PRKDC: variants seen among roughly 807,000 people sequenced by gnomAD.
The protein encoded by PRKDC is DNA-dependent protein kinase catalytic subunit.
A neutral mutation model predicts 486.9 loss-of-function variants in PRKDC; 82 were observed. The observed-to-expected ratio is 0.17, with a 90% CI of 0.14 to 0.20. The LOEUF is 0.20. Ranked by LOEUF, PRKDC falls within the 10% of genes least tolerant of loss-of-function variation. The pLI, the probability that PRKDC is intolerant of heterozygous loss-of-function variation, is 1.00. For synonymous variants in PRKDC, 1,895 were observed against 1,837.0 expected (o/e 1.03, Z -0.81); for missense variants, 4,504 against 5,038.2 (o/e 0.89, Z 3.21).
At chr8:47,863,780 C>G (rs2088734636) in intron 41 of PRKDC, among the ~76,000 whole-genome samples, 1 of 152,264 alleles carries the variant, frequency 6.6e-6, no homozygotes, top group South Asian at 2.1e-4. Flanking sequence ...ACTGGTGAAG[C>G]AGGAAATAAT....
At chr8:47,819,194 A>C (rs1314935096) in intron 67 of PRKDC, among the ~76,000 whole-genome samples, 1 of 152,150 alleles carries the variant, frequency 6.6e-6, no homozygotes, top group African/African-American at 2.4e-5. Flanking sequence ...GTTTTCTTTC[A>C]CTTTGCAGCC....
intron 68 of PRKDC, 73 bp from the exon 69 acceptor site, chr8:47,807,399 A>T: frequency 7.9e-7 from 1 of 1,272,232 alleles, no homozygotes; most frequent in Non-Finnish European, 1.1e-6. Flanking sequence ...TACAGGCAGA[A>T]ATTCTAAACC....
chr8:47,858,880 T>G lies in PRKDC; in HGVS notation c.6314A>C (p.His2105Pro), dbSNP rs1159943440. The G allele has an allele frequency of 6.2e-7, 1 of 1,613,914 alleles. No homozygotes were observed. The change falls in exon 47 of 86, where the codon CAC becomes CCC. Residue 2105 changes from histidine to proline, a missense_variant. Coordinates refer to ENST00000314191, the MANE Select transcript of PRKDC (RefSeq NM_006904.7). ...TCCTTGAGGCGGGCCCAGGCTTCTG[T>G]GCATGTGCTTGACCAGGGCCGTCAG... ...APLTALVKHM[H>P]RSLGPPQGEE...
Position 47,950,842 on chromosome 8 carries a change from T to C in PRKDC, c.721+2778A>G, listed in dbSNP as rs139699715. Among the ~76,000 whole-genome samples the C allele has an allele frequency of 3.3e-3, 495 of 151,048 alleles. 2 individuals carry two copies. The highest frequency in any genetic ancestry group is 0.01 in the African/African-American group (416 of 41,088). ...TGCAAAATATAAAAGGAGCCAGGCATGGTGGTGCCTATAGTCTCAGCTATT... is the reference window on the plus strand; with the variant it reads ...TGCAAAATATAAAAGGAGCCAGGCACGGTGGTGCCTATAGTCTCAGCTATT... On this transcript the variant is annotated intron_variant, in intron 7 of 85. Coordinates refer to ENST00000314191, the MANE Select transcript of PRKDC (RefSeq NM_006904.7).
At chr8:47,857,387 A>C in intron 48 of PRKDC, 88 bp from the exon 49 acceptor site, 1 of 1,395,284 alleles carries the variant, frequency 7.2e-7, no homozygotes, top group Non-Finnish European at 9.6e-7. Context: ...ATCAGCTAAA[A>C]TTTTATACTA....
In PRKDC at chr8:47,849,136, G is replaced by A; in HGVS notation, c.7280+18C>T. 1 of 1,612,890 alleles carries A rather than the reference G, an allele frequency of 6.2e-7. No individual in the cohort carries two copies. Among genetic ancestry groups the A allele is most frequent in the Non-Finnish European group, 8.5e-7 (1 of 1,179,226 alleles). ...TATGAGCCAGTGGGACCCAAGAGCA[G>A]GGCTAGTGTTCACTCACCTATGTCT... On this transcript the variant is annotated intron_variant, in intron 54 of 85. Transcript: ENST00000314191.
At chr8:47,896,197 G>A (rs1305797449) in intron 30 of PRKDC, among the ~76,000 whole-genome samples, 2 of 151,462 alleles carry the variant, frequency 1.3e-5, no homozygotes, top group African/African-American at 4.8e-5. Context: ...GTTATAGTAT[G>A]TATTTATACA....
intron 1 of PRKDC, among the ~76,000 whole-genome samples, chr8:47,958,166 G>T (rs1257273139): frequency 6.6e-6 from 1 of 152,194 alleles, no homozygotes; most frequent in Non-Finnish European, 1.5e-5. Context: ...GGGAAAGCGG[G>T]AGATTCCAAA....
At chr8:47,899,566 C>T (rs1018950895) in intron 28 of PRKDC, among the ~76,000 whole-genome samples, 3 of 152,280 alleles carry the variant, frequency 2.0e-5, no homozygotes, top group African/African-American at 7.2e-5. Context: ...TCGCTTGAAC[C>T]CAGGAGGCGG....
At chr8:47,957,455 A>G (rs1439105794) in intron 1 of PRKDC, 24 bp from the exon 2 acceptor site, 2 of 1,535,504 alleles carry the variant, frequency 1.3e-6, no homozygotes, top group Non-Finnish European at 1.8e-6. Context: ...TAAGTAAACA[A>G]GTTAAGAGAG....
At chr8:47,909,364 C>G (rs2089854730) in intron 25 of PRKDC, among the ~76,000 whole-genome samples, 1 of 152,178 alleles carries the variant, frequency 6.6e-6, no homozygotes, top group African/African-American at 2.4e-5. Flanking sequence ...TCATCACTTC[C>G]CCAATCAATA....
intron 49 of PRKDC, among the ~76,000 whole-genome samples, chr8:47,856,857 A>G (rs1290113770): frequency 6.6e-6 from 1 of 152,268 alleles, no homozygotes; most frequent in African/African-American, 2.4e-5. Flanking sequence ...CAGTTTACAC[A>G]TAGTTTTAAT....
chr8:47,857,242 C>T lies in PRKDC; in HGVS notation c.6523G>A (p.Glu2175Lys). Residue 2175 changes from glutamate (E) to lysine (K), a missense_variant, in exon 49 of 86, where the codon GAA (glutamate) becomes AAA (lysine). By Grantham distance (56) the Glu-to-Lys change is moderately conservative. Transcript: ENST00000314191. ...TGAATTCCTTCTCCTCCATTGTTTT[C>T]AGAAGCAGCCAGCTGCAGCAAGGGG... ...LSPLLQLAAS[E>K]NNGGEGIHYM... 1.2e-6 allele frequency: 2 copies of T among 1,614,008 alleles called. No homozygotes were observed. The highest frequency in any genetic ancestry group is 1.7e-6 in the Non-Finnish European group (2 of 1,179,860).
chr8:47,888,675 T>A, intron 33 of PRKDC, 25 bp from the exon 34 acceptor site: 1 of 1,555,764 alleles, frequency 6.4e-7, no homozygotes, highest in Non-Finnish European at 8.7e-7. Context: ...AAACAGTAAA[T>A]TAGGTGAGCT....
At chr8:47,858,442 T>C (rs920777919) in intron 48 of PRKDC, 74 bp downstream of exon 48, 4 of 1,292,950 alleles carry the variant, frequency 3.1e-6, no homozygotes, top group Admixed American at 6.6e-5. Context: ...GAATTGCAAT[T>C]GATTCATTCA....
chr8:47,774,402 A>G, intron 85 of PRKDC, 25 bp from the exon 86 acceptor site: 3 of 1,603,204 alleles, frequency 1.9e-6, no homozygotes, highest in Non-Finnish European at 2.6e-6. Context: ...AACACAGAAA[A>G]CACAAAGCAT....
chr8:47,946,028 T>G (rs2090526987), intron 7 of PRKDC, among the ~76,000 whole-genome samples: 2 of 151,246 alleles, frequency 1.3e-5, no homozygotes, highest in African/African-American at 4.8e-5. Flanking sequence ...GGCCTACTTC[T>G]ACTTTTTAAA....
chr8:47,945,605 T>C (rs1589812250), intron 7 of PRKDC, among the ~76,000 whole-genome samples: 1 of 152,246 alleles, frequency 6.6e-6, no homozygotes, highest in Admixed American at 6.5e-5. Context: ...GTCTAAGTAA[T>C]GTTCCATTGT....
At chr8:47,820,483 A>G (rs955433792) in intron 66 of PRKDC, among the ~76,000 whole-genome samples, 30 of 152,116 alleles carry the variant, frequency 2.0e-4, no homozygotes, top group Admixed American at 5.9e-4. Flanking sequence ...TAAAATAGAA[A>G]AAAAAGATTT....
Sources: allele counts gnomAD v4.1 joint callset (sites outside exome capture counted in the v4.1 genomes callset), GRCh38; gene constraint gnomAD v4.1.1; transcripts MANE v1.5; gene names NCBI Gene and HGNC (gene_info 2026-07-23, HGNC 2026-07-21).